ASTN2: variants seen among roughly 807,000 people sequenced by gnomAD.
ASTN2 encodes astrotactin-2.
Under a neutral mutation model 139.8 loss-of-function variants are expected in ASTN2, and 54 were observed. That is an observed-to-expected ratio of 0.39 (90% CI 0.31 to 0.48). The LOEUF (loss-of-function observed/expected upper bound fraction) is 0.48. Among genes scored for constraint, ASTN2 ranks in the 20% least tolerant of loss-of-function variants. The pLI is 0.95. For synonymous variants in ASTN2, 756 were observed against 719.5 expected (o/e 1.05, Z -0.81); for missense variants, 1,565 against 1,725.1 (o/e 0.91, Z 1.64).
intron 19 of ASTN2, chr9:116,551,131 G>C (rs1268326084): frequency 6.6e-6 from 1 of 152,104 alleles, no homozygotes; most frequent in African/African-American, 2.4e-5. Flanking sequence ...AAATCACCTG[G>C]GGAGAGTGTA....
At chr9:116,483,934 C>A (rs1040086512) in intron 20 of ASTN2, among the ~76,000 whole-genome samples, 2 of 152,206 alleles carry the variant, frequency 1.3e-5, no homozygotes, top group Non-Finnish European at 2.9e-5. Flanking sequence ...CCTTCACTCT[C>A]CTGCCACCTG....
intron 10 of ASTN2, among the ~76,000 whole-genome samples, chr9:116,913,100 C>T (rs73520266): frequency 0.034 from 5,153 of 152,146 alleles, 261 homozygotes; most frequent in African/African-American, 0.11. Flanking sequence ...AACAGAGTTT[C>T]GCCATATTGG....
chr9:117,088,495 G>A (rs762104811), intron 5 of ASTN2, among the ~76,000 whole-genome samples: 7 of 152,098 alleles, frequency 4.6e-5, no homozygotes, highest in East Asian at 1.9e-4. Context: ...CCTTTTCCTC[G>A]AAAACAGGAT....
intron 7 of ASTN2, among the ~76,000 whole-genome samples, chr9:116,990,078 A>G (rs1319757147): frequency 6.6e-6 from 1 of 152,180 alleles, no homozygotes; most frequent in African/African-American, 2.4e-5. Flanking sequence ...AGAGTCAGAG[A>G]GGTCCAAGTA....
chr9:116,470,904 T>C (rs1008419362), intron 20 of ASTN2, among the ~76,000 whole-genome samples: 6 of 152,206 alleles, frequency 3.9e-5, no homozygotes, highest in South Asian at 2.1e-4. Context: ...GTTACCTACA[T>C]TGGGACAAGG....
chr9:116,459,863 C>T (rs1388925744), intron 20 of ASTN2, among the ~76,000 whole-genome samples: 1 of 152,084 alleles, frequency 6.6e-6, no homozygotes, highest in Non-Finnish European at 1.5e-5. Flanking sequence ...CAAAGTTACA[C>T]ACAGAGTTAT....
chr9:116,649,873 T>A (rs2131921632), intron 17 of ASTN2, among the ~76,000 whole-genome samples: 1 of 152,320 alleles, frequency 6.6e-6, no homozygotes, highest in South Asian at 2.1e-4. Flanking sequence ...TACAATATTG[T>A]GGAAATGATC....
At chr9:117,108,968 C>A (rs1440204916) in intron 4 of ASTN2, among the ~76,000 whole-genome samples, 1 of 152,112 alleles carries the variant, frequency 6.6e-6, no homozygotes, top group Non-Finnish European at 1.5e-5. Context: ...AGTGCTTCAC[C>A]ATTTATTAGT....
intron 13 of ASTN2, among the ~76,000 whole-genome samples, chr9:116,764,930 C>T (rs1419900538): frequency 6.6e-6 from 1 of 152,146 alleles, no homozygotes; most frequent in Non-Finnish European, 1.5e-5. Context: ...ATGCCCCCAC[C>T]GTACCTTTGT....
intron 6 of ASTN2, 83 bp from the exon 7 acceptor site, chr9:117,008,342 A>G (rs16934199): frequency 0.039 from 50,542 of 1,287,606 alleles, 1,120 homozygotes; most frequent in African/African-American, 0.089. Context: ...AGGTGTGTAC[A>G]AGCCACGTTC....
chr9:117,139,985 GC>G (rs1297662116), intron 4 of ASTN2, among the ~76,000 whole-genome samples: 1 of 152,130 alleles, frequency 6.6e-6, no homozygotes, highest in Non-Finnish European at 1.5e-5. Context: ...GTTCTCCCTG[GC>G]CCCACCACTT....
intron 1 of ASTN2, among the ~76,000 whole-genome samples, chr9:117,409,943 C>T (rs896584203): frequency 3.3e-5 from 5 of 152,186 alleles, no homozygotes; most frequent in Middle Eastern, 3.2e-3. Flanking sequence ...TTCTTCCAGG[C>T]CATCAGCTTC....
At chr9:117,293,588 G>A (rs1169603203) in intron 1 of ASTN2, among the ~76,000 whole-genome samples, 2 of 152,078 alleles carry the variant, frequency 1.3e-5, no homozygotes, top group Non-Finnish European at 2.9e-5. Flanking sequence ...TTCTGGGGAG[G>A]GGCTGATTGG....
chr9:117,292,070 G>GA lies in ASTN2; in HGVS notation c.443-558dup, dbSNP rs1421831669. ...GAGCGTGTTCCTCTTGCTTCCACAA[G>GA]AGCAGCTCCATTTTTTGTAAGGTAT... On this transcript the variant is annotated intron_variant, in intron 1 of 22. Transcript: ENST00000313400. 2.0e-5 allele frequency among the ~76,000 whole-genome samples: 3 copies of GA among 152,236 alleles called. No homozygotes were observed. In the East Asian group the frequency reaches 5.8e-4, roughly 30 times the overall value.
At chr9:116,831,810 C>T (rs1001254664) in intron 11 of ASTN2, among the ~76,000 whole-genome samples, 38 of 152,062 alleles carry the variant, frequency 2.5e-4, no homozygotes, top group Middle Eastern at 6.8e-3. Flanking sequence ...AAAATCATGC[C>T]GAGGTTTTGA....
At chr9:116,443,505 A>G (rs1231356888) in intron 20 of ASTN2, among the ~76,000 whole-genome samples, 1 of 152,156 alleles carries the variant, frequency 6.6e-6, no homozygotes, top group Admixed American at 6.5e-5. Flanking sequence ...AGAAGGAAAG[A>G]ACAGGTAAAA....
chr9:116,812,242 T>C (rs2132256854), intron 12 of ASTN2, among the ~76,000 whole-genome samples: 1 of 152,300 alleles, frequency 6.6e-6, no homozygotes, highest in South Asian at 2.1e-4. Flanking sequence ...CCCGAACACC[T>C]GAGGTTATCT....
At chr9:116,531,285 T>C (rs1851332152) in intron 19 of ASTN2, among the ~76,000 whole-genome samples, 2 of 152,236 alleles carry the variant, frequency 1.3e-5, no homozygotes, top group Admixed American at 1.3e-4. Flanking sequence ...ATGGCCATGG[T>C]ACTCAAATAT....
chr9:116,934,913 C>T (rs2132457926), intron 10 of ASTN2, among the ~76,000 whole-genome samples: 1 of 152,248 alleles, frequency 6.6e-6, no homozygotes, highest in South Asian at 2.1e-4. Context: ...GGTTTGGTTG[C>T]CTAGAGTCAG....
Sources: allele counts gnomAD v4.1 joint callset (sites outside exome capture counted in the v4.1 genomes callset), GRCh38; gene constraint gnomAD v4.1.1; transcripts MANE v1.5; gene names NCBI Gene and HGNC (gene_info 2026-07-23, HGNC 2026-07-21).